ZNF829: variants seen among roughly 807,000 people sequenced by gnomAD.
The protein encoded by ZNF829 is zinc finger protein 829.
In ZNF829, 25 loss-of-function variants were observed where a neutral mutation model predicts 35.2. That is an observed-to-expected ratio of 0.71 (90% CI 0.52 to 0.99). The LOEUF is 0.99. Among genes scored for constraint, ZNF829 ranks in the 50% least tolerant of loss-of-function variants. The pLI, the probability that ZNF829 is intolerant of heterozygous loss-of-function variation, is 0.00. For synonymous variants in ZNF829, 136 were observed against 163.2 expected (o/e 0.83, Z 1.27); for missense variants, 417 against 515.3 (o/e 0.81, Z 1.85).
In ZNF829 at chr19:36,910,088, T is replaced by A. The variant is rs200570311; in HGVS notation, c.97-1629A>T. On this transcript the variant is annotated intron_variant, in intron 3 of 5. Transcript: ENST00000391711. ...ATGTCTTTTAACATTTCTTGAAAAA[T>A]TTTTTTTTTTTTTGAGACGGAGTTT... Among the ~76,000 whole-genome samples, 294 of 137,578 alleles carry A rather than the reference T, an allele frequency of 2.1e-3. 1 individual carries two copies. Among genetic ancestry groups the A allele is most frequent in the East Asian group, 6.4e-3 (32 of 5,004 alleles). The allele number at this position is 137,578 out of a possible 152,430, so 90.3% of individuals were successfully genotyped here.
At chr19:36,892,564 T>A in intron 5 of ZNF829, 93 bp from the exon 6 acceptor site, 1 of 1,313,244 alleles carries the variant, frequency 7.6e-7, no homozygotes, top group Non-Finnish European at 1.0e-6. Context: ...GAAAAGAATA[T>A]CTGAGAAATT....
chr19:36,893,006 A>G, intron 5 of ZNF829: 1 of 410,032 alleles, frequency 2.4e-6, no homozygotes, highest in Non-Finnish European at 4.3e-6. Flanking sequence ...CTAATTATAT[A>G]CACGTTCATA....
intron 5 of ZNF829, chr19:36,905,590 A>C (rs1433766257): frequency 6.6e-6 from 1 of 152,086 alleles, no homozygotes; most frequent in African/African-American, 2.4e-5. Context: ...GGTGCCCGCC[A>C]CCACACCTGG....
In ZNF829 at chr19:36,891,598, T is replaced by C. The variant is rs779514046; in HGVS notation, c.1193A>G (p.His398Arg). 6.2e-7 allele frequency: 1 copy of C among 1,613,806 alleles called. No individual in the cohort carries two copies. The highest frequency in any genetic ancestry group is 2.2e-5 in the East Asian group (1 of 44,870). The change falls in exon 6 of 6, where the codon CAT (histidine) becomes CGT (arginine). Residue 398 changes from histidine to arginine, a missense_variant. Coordinates refer to ENST00000391711, the MANE Select transcript of ZNF829 (RefSeq NM_001037232.4). Reference protein sequence around the residue: ...AFNKGSNLTRHQRIHTGEKPY... With the variant: ...AFNKGSNLTRRQRIHTGEKPY... ...TTTCTCACCAGTGTGAATTCTCTGATGTCGAGTAAGATTTGAGCCTTTATT... is the reference window on the plus strand; with the variant it reads ...TTTCTCACCAGTGTGAATTCTCTGACGTCGAGTAAGATTTGAGCCTTTATT...
intron 3 of ZNF829, among the ~76,000 whole-genome samples, chr19:36,910,086 A>AT (rs1600742642): frequency 8.7e-5 from 13 of 149,886 alleles, no homozygotes; most frequent in Admixed American, 2.0e-4. Flanking sequence ...TTTCTTGAAA[A>AT]ATTTTTTTTT....
intron 3 of ZNF829, among the ~76,000 whole-genome samples, chr19:36,908,899 TTAATA>T (rs1462477410): frequency 1.3e-5 from 2 of 152,140 alleles, no homozygotes; most frequent in African/African-American, 4.8e-5. Flanking sequence ...AGCAATTCCT[TTAATA>T]TTATAAAGGA....
chr19:36,897,209 G>C (rs1351728557), intron 5 of ZNF829, among the ~76,000 whole-genome samples: 1 of 151,988 alleles, frequency 6.6e-6, no homozygotes, highest in Non-Finnish European at 1.5e-5. Context: ...ATTCTACAAG[G>C]CCAGCATTAC....
In ZNF829 at chr19:36,914,977, T is replaced by A. The variant is rs370792964; in HGVS notation, c.84A>T (p.Gln28His). The A allele has an allele frequency of 1.9e-6, 3 of 1,614,066 alleles. No homozygotes were observed. The African/African-American group carries it at 4.0e-5, about 22-fold the overall frequency. The stretch of plus-strand genomic sequence containing the variant: ...AACCCCAACACACCTTGGATACTGC[T>A]TGTAGAAGTTCATCATGCATTCTTT... Reference protein sequence around the residue: ...EEERMHDELLQAVSKGPVMFR... With the variant: ...EEERMHDELLHAVSKGPVMFR... The change falls in exon 3 of 6, where the codon CAA (glutamine) becomes CAT (histidine). Residue 28 changes from glutamine to histidine, a missense_variant. Physicochemically the swap from Gln to His is conservative, Grantham distance 24. Coordinates refer to ENST00000391711, the MANE Select transcript of ZNF829 (RefSeq NM_001037232.4).
In ZNF829 at chr19:36,907,112, T is replaced by A. The variant is rs199804434; in HGVS notation, c.319+817A>T. Reference sequence around the variant, plus strand: ...CAAAAAAAAAAAAAAAAAAAAAAAATGTATATATATATATATATGTATATA... The same window carrying A: ...CAAAAAAAAAAAAAAAAAAAAAAAAAGTATATATATATATATATGTATATA... On this transcript the variant is annotated intron_variant, in intron 5 of 5. Coordinates refer to ENST00000391711, the MANE Select transcript of ZNF829 (RefSeq NM_001037232.4). The A allele has an allele frequency of 2.4e-3, 60 of 24,920 alleles. 1 individual carries two copies. Among genetic ancestry groups the A allele is most frequent in the Middle Eastern group, 0.019 (1 of 52 alleles). 1.5% of individuals were successfully genotyped at this position (24,920 alleles called of 1,614,324 possible). A position where few individuals can be genotyped will look rare whatever the true frequency, so the allele number is the denominator to read the frequency against.
chr19:36,892,984 G>A, intron 5 of ZNF829: 1 of 425,544 alleles, frequency 2.3e-6, no homozygotes, highest in Non-Finnish European at 4.0e-6. Context: ...CATGCACCAT[G>A]CGTGAGATAT....
rs1425834342 is a variant in ZNF829, at chr19:36,891,770, TAGTA to T, written c.1017_1020del (p.Asn341IlefsTer93). On this transcript the variant is annotated frameshift_variant, in exon 6 of 6. Transcript: ENST00000391711. LOFTEE classifies it high-confidence loss of function. ...TCACCAGCATGAATTCTGTGATGGT[TAGTA>T]AGTGTTGAGGCACTATTAAAGGCCT... 3 of 1,613,998 alleles carry T rather than the reference TAGTA, an allele frequency of 1.9e-6. No individual in the cohort carries two copies. Among genetic ancestry groups the T allele is most frequent in the Admixed American group, 1.7e-5 (1 of 59,994 alleles).
chr19:36,902,997 T>C (rs1387743120), intron 5 of ZNF829, among the ~76,000 whole-genome samples: 3 of 150,862 alleles, frequency 2.0e-5, no homozygotes, highest in East Asian at 2.0e-4. Context: ...GATCACGCCA[T>C]TGCACTCCAG....
At chr19:36,899,705 T>C (rs1225646341) in intron 5 of ZNF829, among the ~76,000 whole-genome samples, 1 of 151,064 alleles carries the variant, frequency 6.6e-6, no homozygotes, top group African/African-American at 2.4e-5. Flanking sequence ...TAATACTCTA[T>C]TGTATACTAG....
chr19:36,912,749 C>T (rs1175781357), intron 3 of ZNF829: 3 of 152,148 alleles, frequency 2.0e-5, no homozygotes, highest in African/African-American at 7.2e-5. Context: ...GTAATCCCAG[C>T]ACTTTGGGAG....
At chr19:36,915,054 GTAAC>G in intron 2 of ZNF829, 32 bp from the exon 3 acceptor site, 1 of 1,614,080 alleles carries the variant, frequency 6.2e-7, no homozygotes. Flanking sequence ...AGAGGGAAGA[GTAAC>G]TGTGAGACAC....
intron 5 of ZNF829, among the ~76,000 whole-genome samples, chr19:36,902,297 C>T (rs2073174421): frequency 6.6e-6 from 1 of 152,074 alleles, no homozygotes; most frequent in African/African-American, 2.4e-5. Context: ...AATAGCTATA[C>T]ATCTTCCTCC....
intron 5 of ZNF829, among the ~76,000 whole-genome samples, chr19:36,896,442 C>T (rs2073114191): frequency 6.6e-6 from 1 of 152,078 alleles, no homozygotes; most frequent in South Asian, 2.1e-4. Flanking sequence ...AATATTGTGC[C>T]ACTGCACTCC....
At chr19:36,897,934 C>T (rs984585806) in intron 5 of ZNF829, among the ~76,000 whole-genome samples, 3 of 152,298 alleles carry the variant, frequency 2.0e-5, no homozygotes, top group East Asian at 1.9e-4. Flanking sequence ...TTTGGAAGGC[C>T]GAGGTGGGTG....
chr19:36,892,175 GA>G lies in ZNF829; in HGVS notation c.615del (p.His206ThrfsTer82), dbSNP rs2073061457. 6.2e-7 allele frequency: 1 copy of G among 1,614,130 alleles called. No homozygotes were observed. Among genetic ancestry groups the G allele is most frequent in the East Asian group, 2.2e-5 (1 of 44,862 alleles). On this transcript the variant is annotated frameshift_variant, in exon 6 of 6. Coordinates refer to ENST00000391711, the MANE Select transcript of ZNF829 (RefSeq NM_001037232.4). LOFTEE classifies it high-confidence loss of function. ...RGSLVTRHQR[I>X]HTGKKPYECK... ...CATTCATAGGGTTTTTTACCAGTGTGAATCCTCTGATGTCGAGTAACGAGTG... is the reference window on the plus strand; with the variant it reads ...CATTCATAGGGTTTTTTACCAGTGTGATCCTCTGATGTCGAGTAACGAGTG...
Sources: allele counts gnomAD v4.1 joint callset (sites outside exome capture counted in the v4.1 genomes callset), GRCh38; gene constraint gnomAD v4.1.1; transcripts MANE v1.5; gene names NCBI Gene and HGNC (gene_info 2026-07-23, HGNC 2026-07-21).